The following RADX variants were observed in gnomAD, a reference collection of about 807,000 sequenced individuals.
The protein encoded by RADX is RPA-related protein RADX.
In RADX, 36 loss-of-function variants were observed where a neutral mutation model predicts 61.6. That is an observed-to-expected ratio of 0.58 (90% CI 0.45 to 0.77). The LOEUF (loss-of-function observed/expected upper bound fraction) is 0.77. Ranked by LOEUF, RADX falls within the 30% of genes least tolerant of loss-of-function variation. The probability of loss-of-function intolerance (pLI) is 0.00; values close to 1 mark genes in which losing one functional copy is unlikely to be tolerated. For synonymous variants in RADX, 272 were observed against 237.9 expected, an observed-to-expected ratio of 1.14 and a Z score of -1.32; for missense variants, 497 against 651.1, an observed-to-expected ratio of 0.76 and a Z score of 2.58.
chrX:106,667,409 C>T (rs1234567402), intron 12 of RADX, among the ~76,000 whole-genome samples: 1 of 110,979 alleles, frequency 9.0e-6, no homozygotes, highest in East Asian at 2.8e-4. Context: ...CTCCACCTCC[C>T]GGGCTCAAGC....
At chrX:106,647,506 C>A (rs1171932114) in intron 10 of RADX, among the ~76,000 whole-genome samples, 1 of 110,485 alleles carries the variant, frequency 9.1e-6, no homozygotes, top group African/African-American at 3.3e-5. Flanking sequence ...GGGTATATAC[C>A]AAGCAGGGGG....
rs71937728 is a variant in RADX at position 106,658,964 on chromosome X, ATT to A, written c.1979-3038_1979-3037del. Among the ~76,000 whole-genome samples the A allele has an allele frequency of 3.6e-3, 341 of 95,959 alleles. 4 individuals carry two copies. The highest frequency in any genetic ancestry group is 7.6e-3 in the African/African-American group (204 of 26,821). The allele number at this position is 95,959 out of a possible 115,157, so 83.3% of individuals were successfully genotyped here. On this transcript the variant is annotated intron_variant, in intron 11 of 13. Coordinates refer to ENST00000372548, the MANE Select transcript of RADX (RefSeq NM_018015.6). Reference sequence around the variant, plus strand: ...CCCATGCCTCCATACATCCCATTACATTTTTTTTTTTTTTGAGACAGAGTCTT... The same window carrying A: ...CCCATGCCTCCATACATCCCATTACATTTTTTTTTTTTGAGACAGAGTCTT...
chrX:106,623,625 T>C (rs749501944), intron 2 of RADX, among the ~76,000 whole-genome samples: 19 of 110,789 alleles, frequency 1.7e-4, no homozygotes, highest in Admixed American at 2.9e-4. Context: ...TATATATATA[T>C]ACATACACAT....
In RADX at chrX:106,674,853, G is replaced by A. The variant is rs775827084; in HGVS notation, c.2438-3275G>A. The stretch of plus-strand genomic sequence containing the variant: ...ATCCTGGCCAACATGGTGAAACCCC[G>A]TCTCTACTAAAAATACAAAAATTAG... On this transcript the variant is annotated intron_variant, in intron 13 of 13. Transcript: ENST00000372548. Among the ~76,000 whole-genome samples, 5 of 110,507 alleles carry A rather than the reference G, an allele frequency of 4.5e-5. No homozygotes were observed. In the South Asian group the frequency reaches 1.2e-3, roughly 26 times the overall value.
chrX:106,663,682 C>T (rs1370910110), intron 12 of RADX, among the ~76,000 whole-genome samples: 1 of 111,210 alleles, frequency 9.0e-6, no homozygotes, highest in Non-Finnish European at 1.9e-5. Context: ...CCCCATTTAC[C>T]CTGATGTGAT....
chrX:106,620,392 G>T (rs939399874), intron 1 of RADX, among the ~76,000 whole-genome samples: 1 of 111,157 alleles, frequency 9.0e-6, no homozygotes, highest in Non-Finnish European at 1.9e-5. Flanking sequence ...AGCTCTTCAG[G>T]ATGGGCACGG....
intron 3 of RADX, among the ~76,000 whole-genome samples, chrX:106,628,611 C>G (rs1170103219): frequency 9.1e-6 from 1 of 109,910 alleles, no homozygotes; most frequent in Non-Finnish European, 1.9e-5. Flanking sequence ...TTCATATTTC[C>G]ACACATAGTT....
At chrX:106,653,549 A>G (rs1473311099) in intron 11 of RADX, among the ~76,000 whole-genome samples, 1 of 102,812 alleles carries the variant, frequency 9.7e-6, no homozygotes, top group East Asian at 3.3e-4. Context: ...ATTTTATTTT[A>G]TTATACTTTT....
chrX:106,624,582 A>G (rs1421034101), intron 2 of RADX, among the ~76,000 whole-genome samples: 1 of 111,712 alleles, frequency 9.0e-6, no homozygotes, highest in African/African-American at 3.3e-5. Flanking sequence ...TAAAGGATTT[A>G]CCTATGTTCC....
At chrX:106,661,119 CAAGAT>C (rs1337034402) in intron 11 of RADX, among the ~76,000 whole-genome samples, 5 of 110,934 alleles carry the variant, frequency 4.5e-5, no homozygotes, top group Non-Finnish European at 3.8e-5. Flanking sequence ...CCTGGGGACT[CAAGAT>C]AAGTTTTGGG....
intron 3 of RADX, among the ~76,000 whole-genome samples, chrX:106,626,733 C>T (rs1307284268): frequency 8.9e-6 from 1 of 111,960 alleles, no homozygotes; most frequent in Non-Finnish European, 1.9e-5. Flanking sequence ...AACAGTTTTA[C>T]TTCTTAGTAA....
intron 11 of RADX, among the ~76,000 whole-genome samples, chrX:106,660,281 A>G (rs1295605384): frequency 1.8e-5 from 2 of 111,934 alleles, no homozygotes; most frequent in African/African-American, 3.2e-5. Flanking sequence ...GTGTTCATCA[A>G]CTGAATTTTT....
At chrX:106,615,095 G>T (rs1184919770) in intron 1 of RADX, among the ~76,000 whole-genome samples, 1 of 111,712 alleles carries the variant, frequency 9.0e-6, no homozygotes, top group East Asian at 2.8e-4. Context: ...TCTCTCAGGT[G>T]GCTCCCATTG....
intron 10 of RADX, among the ~76,000 whole-genome samples, chrX:106,647,407 G>A (rs747439286): frequency 9.0e-6 from 1 of 110,742 alleles, no homozygotes; most frequent in Non-Finnish European, 1.9e-5. Flanking sequence ...GGACTCTTAG[G>A]TTGCTTCCAA....
Position 106,679,334 on chromosome X carries a change from TG to T in RADX, c.*1077del, listed in dbSNP as rs1928590467. On this transcript the variant is annotated 3_prime_UTR_variant, in exon 14 of 14. Coordinates refer to ENST00000372548, the MANE Select transcript of RADX (RefSeq NM_018015.6). Reference sequence around the variant, plus strand: ...AGACATACTGCAGTTTGTTCATAAATGTATTCAGTCTTTTATTCTTTATAAT... The same window carrying T: ...AGACATACTGCAGTTTGTTCATAAATTATTCAGTCTTTTATTCTTTATAAT... The T allele has an allele frequency of 8.9e-6, 1 of 112,344 alleles. No homozygotes were observed. The highest frequency in any genetic ancestry group is 3.2e-5 in the African/African-American group (1 of 30,952). 9.3% of individuals were successfully genotyped at this position (112,344 alleles called of 1,213,427 possible).
Position 106,612,186 on chromosome X carries a change from A to G in RADX, c.106A>G (p.Arg36Gly). ...RAGVPGGVIR[R>G]AGSQGPRSWI... ...TGGGGTCCCGGGAGGGGTGATCCGA[A>G]GAGCTGGTTCCCAAGGGCCCAGGTC... Residue 36 changes from arginine to glycine, a missense_variant, in exon 1 of 14, where the codon AGA (arginine) becomes GGA (glycine). Arg to Gly is a moderately radical substitution (Grantham distance 125). Coordinates refer to ENST00000372548, the MANE Select transcript of RADX (RefSeq NM_018015.6). 1 of 1,211,691 alleles carries G rather than the reference A, an allele frequency of 8.3e-7. No individual in the cohort carries two copies. Among genetic ancestry groups the G allele is most frequent in the Non-Finnish European group, 1.1e-6 (1 of 895,467 alleles).
chrX:106,639,070 G>A (rs973172515), intron 8 of RADX, among the ~76,000 whole-genome samples: 8 of 111,606 alleles, frequency 7.2e-5, no homozygotes, highest in African/African-American at 2.6e-4. Context: ...GCACAAGCAT[G>A]TTCTTTTTTA....
chrX:106,625,314 G>A (rs755995653), intron 3 of RADX, 32 bp downstream of exon 3: 7 of 1,012,114 alleles, frequency 6.9e-6, no homozygotes, highest in Non-Finnish European at 7.9e-6. Context: ...TTGTCTTATC[G>A]CTGTTTTGTT....
intron 6 of RADX, among the ~76,000 whole-genome samples, chrX:106,635,513 T>C (rs1347452102): frequency 8.9e-6 from 1 of 111,916 alleles, no homozygotes; most frequent in African/African-American, 3.2e-5. Flanking sequence ...CCATTAGTAT[T>C]CATATGTTTG....
Sources: allele counts gnomAD v4.1 joint callset (sites outside exome capture counted in the v4.1 genomes callset), GRCh38; gene constraint gnomAD v4.1.1; transcripts MANE v1.5; gene names NCBI Gene and HGNC (gene_info 2026-07-23, HGNC 2026-07-21).